RHOT1: variants seen among roughly 807,000 people sequenced by gnomAD.
RHOT1 encodes the protein ras homolog family member T1, also known as mitochondrial Rho GTPase 1.
Under a neutral mutation model 95.3 loss-of-function variants are expected in RHOT1, and 27 were observed. That is an observed-to-expected ratio of 0.28 (90% CI 0.21 to 0.39). RHOT1 has a LOEUF of 0.39. RHOT1 is among the 10% of genes least tolerant of loss of function. The probability of loss-of-function intolerance (pLI) is 1.00; values close to 1 mark genes in which losing one functional copy is unlikely to be tolerated. For synonymous variants in RHOT1, 227 were observed against 263.5 expected, an observed-to-expected ratio of 0.86 and a Z score of 1.34; for missense variants, 578 against 786.7, an observed-to-expected ratio of 0.73 and a Z score of 3.17.
chr17:32,160,609 G>A (rs1481941386), intron 1 of RHOT1, among the ~76,000 whole-genome samples: 3 of 152,172 alleles, frequency 2.0e-5, no homozygotes, highest in South Asian at 2.1e-4. Context: ...TCCTGGAGTC[G>A]CCAAGCTTCC....
intron 2 of RHOT1, among the ~76,000 whole-genome samples, chr17:32,171,652 T>A (rs935594915): frequency 5.3e-5 from 8 of 152,214 alleles, no homozygotes; most frequent in African/African-American, 1.9e-4. Context: ...AAAAAGATAA[T>A]GAGCATTCCG....
At chr17:32,177,620 T>C (rs1001219331) in intron 6 of RHOT1, among the ~76,000 whole-genome samples, 1 of 151,136 alleles carries the variant, frequency 6.6e-6, no homozygotes, top group African/African-American at 2.4e-5. Flanking sequence ...CTGGGTGTGG[T>C]GGGAGGCGCC....
In RHOT1 at chr17:32,183,755, G is replaced by C. The variant is rs373383154; in HGVS notation, c.540+483G>C. On this transcript the variant is annotated intron_variant, in intron 8 of 19. Coordinates refer to ENST00000545287, the MANE Select transcript of RHOT1 (RefSeq NM_001033566.3). ...GTGCAGTGGCACGATCTCGATCTCG[G>C]CTGACTGCAACCTCCAGCTCCGGGG... Among the ~76,000 whole-genome samples the C allele has an allele frequency of 5.3e-5, 8 of 152,254 alleles. No homozygotes were observed. The East Asian group carries it at 1.5e-3, about 29-fold the overall frequency.
chr17:32,171,110 T>C lies in RHOT1; in HGVS notation c.96+9T>C. 6.4e-7 allele frequency: 1 copy of C among 1,559,744 alleles called. No individual in the cohort carries two copies. The highest frequency in any genetic ancestry group is 8.8e-7 in the Non-Finnish European group (1 of 1,139,648). On this transcript the variant is annotated intron_variant, in intron 2 of 19. Transcript: ENST00000545287. ...AAGAATTTCCAGAAGAGGTAAACAT[T>C]TTGATTTCCATATTTAAATTTTAAA...
rs943030281 is a variant in RHOT1 at position 32,221,092 on chromosome 17, G to T, written c.1863-3524G>T. ...TTAGAAATGAGCCAGAAGCGGCCAGGCGTGGTGGCTCACGCCTGTAATCTC... is the reference window on the plus strand; with the variant it reads ...TTAGAAATGAGCCAGAAGCGGCCAGTCGTGGTGGCTCACGCCTGTAATCTC... On this transcript the variant is annotated intron_variant, in intron 19 of 19. Coordinates refer to ENST00000545287, the MANE Select transcript of RHOT1 (RefSeq NM_001033566.3). 9.2e-6 allele frequency: 9 copies of T among 978,902 alleles called. No homozygotes were observed. The African/African-American group carries it at 1.4e-4, about 15-fold the overall frequency. The allele number at this position is 978,902 out of a possible 1,614,324, so 60.6% of individuals were successfully genotyped here. A position where few individuals can be genotyped will look rare whatever the true frequency, so the allele number is the denominator to read the frequency against.
chr17:32,193,910 T>G, intron 10 of RHOT1, 77 bp from the exon 11 acceptor site: 1 of 1,535,930 alleles, frequency 6.5e-7, no homozygotes. Context: ...TTCATGAATC[T>G]GGTTCTTGCC....
At chr17:32,166,691 C>A (rs1375044834) in intron 1 of RHOT1, among the ~76,000 whole-genome samples, 1 of 152,212 alleles carries the variant, frequency 6.6e-6, no homozygotes, top group East Asian at 1.9e-4. Context: ...CTTTGCTCAT[C>A]CATAATAAAC....
chr17:32,142,594 C>A lies in RHOT1; in HGVS notation c.-99C>A. ...GGGGCGGCGCGGCGGGCCCCGGCGG[C>A]CGAAGAGGCTGGCAGGTGGCGCCGT... On this transcript the variant is annotated 5_prime_UTR_variant, in exon 1 of 20. Coordinates refer to ENST00000545287, the MANE Select transcript of RHOT1 (RefSeq NM_001033566.3). The A allele has an allele frequency of 2.8e-6, 3 of 1,089,068 alleles. No individual in the cohort carries two copies. Among genetic ancestry groups the A allele is most frequent in the Non-Finnish European group, 3.7e-6 (3 of 809,802 alleles). The allele number at this position is 1,089,068 out of a possible 1,614,324, so 67.5% of individuals were successfully genotyped here.
intron 1 of RHOT1, among the ~76,000 whole-genome samples, chr17:32,163,560 G>A (rs779828303): frequency 3.2e-4 from 49 of 151,846 alleles, no homozygotes; most frequent in Non-Finnish European, 5.0e-4. Context: ...GTAAAATCCC[G>A]TCTCTACTAA....
At chr17:32,196,831 A>G (rs946652779) in intron 11 of RHOT1, among the ~76,000 whole-genome samples, 1 of 151,990 alleles carries the variant, frequency 6.6e-6, no homozygotes, top group Non-Finnish European at 1.5e-5. Flanking sequence ...TTCTGTTGAA[A>G]TGTCTTTGGG....
intron 19 of RHOT1, among the ~76,000 whole-genome samples, chr17:32,214,367 A>T (rs943257159): frequency 3.3e-5 from 5 of 152,208 alleles, no homozygotes; most frequent in African/African-American, 1.2e-4. Context: ...GAGACTGGAA[A>T]TCAAGGCTTT....
At chr17:32,155,627 C>T (rs949635190) in intron 1 of RHOT1, among the ~76,000 whole-genome samples, 4 of 151,686 alleles carry the variant, frequency 2.6e-5, no homozygotes, top group African/African-American at 7.3e-5. Flanking sequence ...ACTGCAGCTT[C>T]GACTTCCCAG....
intron 1 of RHOT1, among the ~76,000 whole-genome samples, chr17:32,166,461 C>T (rs144613580): frequency 1.1e-3 from 161 of 152,206 alleles, no homozygotes; most frequent in African/African-American, 3.0e-3. Flanking sequence ...TTTGCTGCAT[C>T]GATTGACTCT....
intron 1 of RHOT1, chr17:32,150,891 G>A (rs2032196454): frequency 6.5e-7 from 1 of 1,543,672 alleles, no homozygotes; most frequent in Admixed American, 1.8e-5. Context: ...AAGCACTGGG[G>A]GATGTTCTGG....
chr17:32,162,558 G>C (rs189981407), intron 1 of RHOT1, among the ~76,000 whole-genome samples: 2 of 152,158 alleles, frequency 1.3e-5, no homozygotes, highest in African/African-American at 4.8e-5. Flanking sequence ...TCTCCAGGAG[G>C]TGGGACCAGT....
At chr17:32,188,454 A>G (rs1480690370) in intron 8 of RHOT1, among the ~76,000 whole-genome samples, 1 of 152,240 alleles carries the variant, frequency 6.6e-6, no homozygotes. Flanking sequence ...CTTGTGCTCT[A>G]TAAAGTCATA....
At chr17:32,214,262 T>C (rs998511214) in intron 19 of RHOT1, among the ~76,000 whole-genome samples, 1 of 152,192 alleles carries the variant, frequency 6.6e-6, no homozygotes, top group Non-Finnish European at 1.5e-5. Context: ...AGGTGGGGAC[T>C]GTGACAGGCA....
At chr17:32,223,013 C>T (rs1307885684) in intron 19 of RHOT1, 1 of 285,244 alleles carries the variant, frequency 3.5e-6, no homozygotes, top group Non-Finnish European at 5.3e-6. Flanking sequence ...GAAAAACTAA[C>T]TTGCAAGCTG....
At position 32,199,464 on chromosome 17, in the gene RHOT1, C is replaced by T. The variant is rs757564494; in HGVS notation, c.1014C>T (p.Tyr338=). The change falls in exon 13 of 20, where the codon TAC becomes TAT. Residue 338 remains tyrosine (Y), a synonymous_variant. Coordinates refer to ENST00000545287, the MANE Select transcript of RHOT1 (RefSeq NM_001033566.3). ...AAGATTTATTTAAAGTTTTCCCTTA[C>T]ATACCTTGGGGGCCAGATGTGAATA... ...ELKDLFKVFP[Y]IPWGPDVNNT... is the part of the protein sequence containing the mutation. 2 of 1,613,348 alleles carry T rather than the reference C, an allele frequency of 1.2e-6. No homozygotes were observed. Among genetic ancestry groups the T allele is most frequent in the East Asian group, 2.2e-5 (1 of 44,848 alleles).
Sources: gnomAD v4.1 joint callset for allele counts (sites outside exome capture counted in the v4.1 genomes callset) on GRCh38, gnomAD v4.1.1 for gene constraint, MANE v1.5 for transcripts, NCBI Gene and HGNC (gene_info 2026-07-23, HGNC 2026-07-21) for gene names.